Variants in KIF1A observed in about 807,000 individuals in gnomAD.
KIF1A encodes the protein kinesin-like protein KIF1A.
KIF1A carries 46 observed loss-of-function variants against 227.3 expected under a neutral mutation model. The observed-to-expected ratio is 0.20, with a 90% CI of 0.16 to 0.26. The LOEUF (loss-of-function observed/expected upper bound fraction) is 0.26, where lower values mean the gene tolerates loss of function less well. KIF1A is among the 10% of genes least tolerant of loss of function. The pLI is 1.00. For missense variants in KIF1A, 1,683 were observed against 2,485.9 expected, an observed-to-expected ratio of 0.68 and a Z score of 6.87; for synonymous variants, 1,022 against 1,012.8, an observed-to-expected ratio of 1.01 and a Z score of -0.17.
rs11681427 is a variant in KIF1A at position 240,766,810 on chromosome 2, C to A, written c.1684+105G>T. 4 of 674,752 alleles carry A rather than the reference C, an allele frequency of 5.9e-6. No individual in the cohort carries two copies. The highest frequency in any genetic ancestry group is 7.8e-6 in the Non-Finnish European group (3 of 386,060). The allele number at this position is 674,752 out of a possible 1,614,324, so 41.8% of individuals were successfully genotyped here. On this transcript the variant is annotated intron_variant, in intron 19 of 48. Coordinates refer to ENST00000498729, the MANE Select transcript of KIF1A (RefSeq NM_001244008.2). This position sits in a 1 kb window ranked among gnomAD's most constrained non-coding sequence, Gnocchi z 5.0. Reference sequence around the variant, plus strand: ...ACGTCCTGCCTAGAAGTATGACTCGCGACCCACTTAGTGCTGGGTAAGCTG... The same window carrying A: ...ACGTCCTGCCTAGAAGTATGACTCGAGACCCACTTAGTGCTGGGTAAGCTG...
In KIF1A at chr2:240,714,019, C is replaced by T. The variant is rs545073996; in HGVS notation, c.*3345G>A. The T allele has an allele frequency of 6.6e-4, 101 of 153,036 alleles. 2 individuals carry two copies. The highest frequency in any genetic ancestry group is 4.4e-4 in the Non-Finnish European group (30 of 68,364). 9.5% of individuals were successfully genotyped at this position (153,036 alleles called of 1,614,324 possible). A position where few individuals can be genotyped will look rare whatever the true frequency, so the allele number is the denominator to read the frequency against. The stretch of plus-strand genomic sequence containing the variant: ...CAGGAAGCACAGGCCCAGGGAGAAA[C>T]GCAGGTCGCCACAGCTGCTGTCCGT... On this transcript the variant is annotated 3_prime_UTR_variant, in exon 49 of 49. Transcript: ENST00000498729.
At chr2:240,807,909 C>T (rs2057559063) in intron 1 of KIF1A, among the ~76,000 whole-genome samples, 1 of 152,096 alleles carries the variant, frequency 6.6e-6, no homozygotes. Flanking sequence ...GAATATGAGG[C>T]CCTCAATAGA....
intron 32 of KIF1A, 102 bp from the exon 33 acceptor site, chr2:240,744,162 G>A: frequency 1.2e-6 from 1 of 820,714 alleles, no homozygotes. Context: ...GCCCAGATCT[G>A]GGACCCCTAG....
chr2:240,786,768 C>CGCCATCAGG (rs1559530048), intron 5 of KIF1A, among the ~76,000 whole-genome samples: 96 of 46,960 alleles, frequency 2.0e-3, no homozygotes, highest in Non-Finnish European at 3.1e-3. Context: ...GGGTAGGGGC[C>CGCCATCAGG]ACCATCAGGA....
chr2:240,731,649 T>TC (rs2046616631), intron 38 of KIF1A, among the ~76,000 whole-genome samples: 1 of 152,056 alleles, frequency 6.6e-6, no homozygotes. Context: ...TTTTCCACTC[T>TC]CCCCTCCACC....
At position 240,788,310 on chromosome 2, in the gene KIF1A, G is replaced by A. The variant is rs1043524272; in HGVS notation, c.184-80C>T. The A allele has an allele frequency of 1.5e-6, 2 of 1,358,566 alleles. No individual in the cohort carries two copies. The highest frequency in any genetic ancestry group is 2.4e-5 in the East Asian group (1 of 41,806). 84.2% of individuals were successfully genotyped at this position (1,358,566 alleles called of 1,614,324 possible). On this transcript the variant is annotated intron_variant, in intron 3 of 48. Coordinates refer to ENST00000498729, the MANE Select transcript of KIF1A (RefSeq NM_001244008.2). The surrounding 1 kb of genome is among the most constrained non-coding windows in gnomAD (Gnocchi z 6.6). ...GCCCATCATGTCTGCGGAGCCAGGG[G>A]ATGCCCAGGGCCTCAGGGTGCCAGG...
chr2:240,812,956 A>ACCTCGG (rs1559550038), intron 1 of KIF1A, among the ~76,000 whole-genome samples: 37 of 60,246 alleles, frequency 6.1e-4, no homozygotes, highest in African/African-American at 1.6e-3. Context: ...CTTCACCTCA[A>ACCTCGG]GGATCCACCT....
At chr2:240,791,241 G>A (rs771898043) in intron 2 of KIF1A, among the ~76,000 whole-genome samples, 31 of 152,212 alleles carry the variant, frequency 2.0e-4, no homozygotes, top group East Asian at 3.9e-4. Flanking sequence ...CCGTGGCGCC[G>A]CCTCCAGAAC....
At chr2:240,806,648 G>T (rs965789369) in intron 1 of KIF1A, among the ~76,000 whole-genome samples, 2 of 152,150 alleles carry the variant, frequency 1.3e-5, no homozygotes, top group African/African-American at 4.8e-5. Flanking sequence ...AGAAATAGAA[G>T]TCAGACTCTC....
At position 240,792,406 on chromosome 2, in the gene KIF1A, C is replaced by T. The variant is rs542020379; in HGVS notation, c.107-3094G>A. Among the ~76,000 whole-genome samples, 2 of 152,206 alleles carry T rather than the reference C, an allele frequency of 1.3e-5. No homozygotes were observed. Among genetic ancestry groups the T allele is most frequent in the African/African-American group, 4.8e-5 (2 of 41,532 alleles). ...ATCCCCTCCCACCCCAGGCTCTGGC[C>T]AGGCCCCCAGAGCTGGGCCCCTCCA... On this transcript the variant is annotated intron_variant, in intron 2 of 48. Transcript: ENST00000498729. This position sits in a 1 kb window ranked among gnomAD's most constrained non-coding sequence, Gnocchi z 4.5.
intron 28 of KIF1A, 79 bp from the exon 29 acceptor site, chr2:240,747,400 C>T: frequency 8.8e-7 from 1 of 1,135,316 alleles, no homozygotes; most frequent in Non-Finnish European, 1.3e-6. Flanking sequence ...GCTGGGCCAC[C>T]CCGCAGTCAA....
chr2:240,797,993 C>G (rs2056587534), intron 1 of KIF1A, 181 bp from the exon 2 acceptor site: 3 of 441,268 alleles, frequency 6.8e-6, no homozygotes, highest in Non-Finnish European at 1.2e-5. Context: ...AGCAGGAGCC[C>G]AGCGGGACCA....
chr2:240,788,034 C>CCCCCCCCCCCTCGTGGCGGTGGG lies in KIF1A; in HGVS notation c.363+16_363+17insCCCACCGCCACGAGGGGGGGGGG. On this transcript the variant is annotated intron_variant, in intron 4 of 48. Transcript: ENST00000498729. The surrounding 1 kb of genome is among the most constrained non-coding windows in gnomAD (Gnocchi z 6.6). Reference sequence around the variant, plus strand: ...CCCATCTGCCAGGGCTGCCCCCGCCCGCCCCCCGCTTCGTGCCTGTGGGAT... The same window carrying CCCCCCCCCCCTCGTGGCGGTGGG: ...CCCATCTGCCAGGGCTGCCCCCGCCCCCCCCCCCCCTCGTGGCGGTGGGGCCCCCCGCTTCGTGCCTGTGGGAT... The CCCCCCCCCCCTCGTGGCGGTGGG allele has an allele frequency of 6.9e-7, 1 of 1,449,062 alleles. No homozygotes were observed. Among genetic ancestry groups the CCCCCCCCCCCTCGTGGCGGTGGG allele is most frequent in the Non-Finnish European group, 9.4e-7 (1 of 1,059,100 alleles). 89.8% of individuals were successfully genotyped at this position (1,449,062 alleles called of 1,614,324 possible).
intron 44 of KIF1A, among the ~76,000 whole-genome samples, 157 bp downstream of exon 44, chr2:240,721,649 CA>C (rs1294178965): frequency 6.6e-6 from 1 of 152,238 alleles, no homozygotes; most frequent in African/African-American, 2.4e-5. Context: ...CCAGGGAAAC[CA>C]GCCACTTAGG....
chr2:240,718,193 G>C, intron 47 of KIF1A, 25 bp from the exon 48 acceptor site: 1 of 1,499,046 alleles, frequency 6.7e-7, no homozygotes, highest in Non-Finnish European at 9.2e-7. Context: ...AGCTGGTGAG[G>C]AGGTGCCAGG....
intron 41 of KIF1A, among the ~76,000 whole-genome samples, 190 bp from the exon 42 acceptor site, chr2:240,723,748 G>A (rs895101622): frequency 5.9e-5 from 9 of 152,168 alleles, no homozygotes; most frequent in Non-Finnish European, 7.3e-5. Flanking sequence ...CCAGCCCGGC[G>A]TCCCATGGCC....
Position 240,784,820 on chromosome 2 carries a change from G to C in KIF1A, c.720+169C>G, listed in dbSNP as rs1290534197. On this transcript the variant is annotated intron_variant, in intron 7 of 48. Coordinates refer to ENST00000498729, the MANE Select transcript of KIF1A (RefSeq NM_001244008.2). ...ATGGGAGAAGGGCCTCTGGGGCGGG[G>C]GGGGGGACGTCCACACCTGGTGCCA... is the stretch of plus-strand genomic sequence containing the variant. 2.0e-5 allele frequency among the ~76,000 whole-genome samples: 3 copies of C among 150,890 alleles called. 1 individual carries two copies. The highest frequency in any genetic ancestry group is 4.1e-4 in the South Asian group (2 of 4,820).
chr2:240,719,254 G>T, intron 46 of KIF1A, 56 bp from the exon 47 acceptor site: 1 of 1,545,978 alleles, frequency 6.5e-7, no homozygotes, highest in South Asian at 1.2e-5. Flanking sequence ...CGACTGACTC[G>T]GGCACTCACC....
chr2:240,762,971 C>G, intron 22 of KIF1A, 48 bp downstream of exon 22: 1 of 1,063,122 alleles, frequency 9.4e-7, no homozygotes, highest in Non-Finnish European at 1.2e-6. Context: ...CAGGGGTCCC[C>G]TGGTGTGGGT....
Sources: gnomAD v4.1 joint callset for allele counts (sites outside exome capture counted in the v4.1 genomes callset) on GRCh38, gnomAD v4.1.1 for gene constraint, Gnocchi (gnomAD v3.1) non-coding constraint, MANE v1.5 for transcripts, NCBI Gene and HGNC (gene_info 2026-07-23, HGNC 2026-07-21) for gene names.